The following HACL2 variants were observed in gnomAD, a reference collection of about 807,000 sequenced individuals.
The protein encoded by HACL2 is 2-hydroxyacyl-CoA lyase 2.
the HACL2 span, chr19:15,123,665 G>A: frequency 6.5e-6 from 8 of 1,226,378 alleles, no homozygotes; most frequent in Middle Eastern, 1.3e-3. The surrounding 1 kb of genome is among the most constrained non-coding windows in gnomAD (Gnocchi z 5.1). Context: ...CCCAGGTAAG[G>A]GGGCAGGAGC....
chr19:15,121,522 AAGAAG>A, the HACL2 span, among the ~76,000 whole-genome samples: 4 of 152,096 alleles, frequency 2.6e-5, no homozygotes, highest in Admixed American at 2.0e-4. Context: ...AAGGAAGAAG[AAGAAG>A]AGAAGAGGCC....
At chr19:15,119,888 T>G in the HACL2 span, 1 of 846,156 alleles carries the variant, frequency 1.2e-6, no homozygotes, top group Non-Finnish European at 1.8e-6. Flanking sequence ...CACCCAAGAT[T>G]AAGGCCCCAG....
At chr19:15,123,646 TCC>T in the HACL2 span, 1 of 1,422,842 alleles carries the variant, frequency 7.0e-7, no homozygotes, top group Non-Finnish European at 9.8e-7. The surrounding 1 kb of genome is among the most constrained non-coding windows in gnomAD (Gnocchi z 5.1). Flanking sequence ...AAGGGGGCAA[TCC>T]CCCTGCCCCA....
At chr19:15,124,491 A>G in the HACL2 span, 1 of 163,538 alleles carries the variant, frequency 6.1e-6, no homozygotes, top group African/African-American at 2.4e-5. Context: ...AACAGCACCT[A>G]CTTTCAAGGA....
At chr19:15,115,254 A>G in the HACL2 span, 2 of 1,614,120 alleles carry the variant, frequency 1.2e-6, no homozygotes, top group South Asian at 1.1e-5. Flanking sequence ...ACAAGGCCCT[A>G]TACAGCAATG....
chr19:15,121,952 C>CA, the HACL2 span, among the ~76,000 whole-genome samples: 1 of 140,284 alleles, frequency 7.1e-6, no homozygotes, highest in African/African-American at 2.7e-5. Flanking sequence ...GGCTGGAGTG[C>CA]AGTAGCACGA....
chr19:15,124,900 C>T, the HACL2 span: 10 of 1,587,908 alleles, frequency 6.3e-6, no homozygotes, highest in Non-Finnish European at 8.6e-6. Flanking sequence ...TGCCCCCAGC[C>T]CACCTCCCAT....
chr19:15,117,767 A>T, the HACL2 span: 1 of 1,196,488 alleles, frequency 8.4e-7, no homozygotes. Flanking sequence ...GGCTACCCCT[A>T]GGGCAAGGTC....
chr19:15,115,035 G>A, the HACL2 span: 1 of 621,528 alleles, frequency 1.6e-6, no homozygotes. Flanking sequence ...CTCCATAAGA[G>A]AGGGGACAAA....
the HACL2 span, chr19:15,116,780 C>T: frequency 2.1e-6 from 1 of 485,372 alleles, no homozygotes. Context: ...CAAACCCAAG[C>T]TGGCCTCGTC....
the HACL2 span, chr19:15,119,182 A>C: frequency 1.9e-6 from 3 of 1,576,472 alleles, no homozygotes; most frequent in Non-Finnish European, 1.7e-6. Flanking sequence ...GGACAATGAC[A>C]TCCGCCTTCT....
At chr19:15,122,166 A>G in the HACL2 span, among the ~76,000 whole-genome samples, 2 of 150,546 alleles carry the variant, frequency 1.3e-5, no homozygotes, top group Non-Finnish European at 3.0e-5. The surrounding 1 kb of genome is among the most constrained non-coding windows in gnomAD (Gnocchi z 4.0). Context: ...CGGCCTCCCA[A>G]TGTGCTGGGA....
the HACL2 span, chr19:15,124,805 C>T: frequency 1.5e-6 from 2 of 1,314,876 alleles, no homozygotes; most frequent in Non-Finnish European, 1.0e-6. Flanking sequence ...TCTTACCAGT[C>T]CCTCTGGACT....
chr19:15,123,363 C>T, the HACL2 span: 10 of 1,611,812 alleles, frequency 6.2e-6, no homozygotes, highest in African/African-American at 1.3e-4. The surrounding 1 kb of genome is among the most constrained non-coding windows in gnomAD (Gnocchi z 5.1). Context: ...GCCCTCTCTG[C>T]AATGCCCTCA....
At chr19:15,120,212 A>T in the HACL2 span, 3 of 585,366 alleles carry the variant, frequency 5.1e-6, no homozygotes, top group Non-Finnish European at 9.2e-6. Context: ...TGGATGAGTG[A>T]CACCTCAGGG....
the HACL2 span, chr19:15,115,876 C>T: frequency 1.7e-5 from 28 of 1,614,064 alleles, no homozygotes; most frequent in Middle Eastern, 1.7e-4. Context: ...GTATCAAATT[C>T]GATGAGGCTG....
chr19:15,118,007 A>G, the HACL2 span: 1 of 1,614,146 alleles, frequency 6.2e-7, no homozygotes, highest in Non-Finnish European at 8.5e-7. Context: ...CGGAAGTCAC[A>G]CACAGTTCCT....
At chr19:15,122,705 C>A in the HACL2 span, 3 of 1,614,030 alleles carry the variant, frequency 1.9e-6, no homozygotes, top group Non-Finnish European at 1.7e-6. The surrounding 1 kb of genome is among the most constrained non-coding windows in gnomAD (Gnocchi z 4.0). Flanking sequence ...GGAGACCACT[C>A]GGCCCACGAG....
At chr19:15,119,217 G>A in the HACL2 span, 51 of 1,606,866 alleles carry the variant, frequency 3.2e-5, no homozygotes, top group African/African-American at 6.7e-5. Flanking sequence ...CGGTTCTCCC[G>A]GATGTGGAGG....
Sources: gnomAD v4.1 joint callset for allele counts (sites outside exome capture counted in the v4.1 genomes callset) on GRCh38, gnomAD v4.1.1 for gene constraint, Gnocchi (gnomAD v3.1) non-coding constraint, MANE v1.5 for transcripts, NCBI Gene and HGNC (gene_info 2026-07-23, HGNC 2026-07-21) for gene names.